TMC1: variants seen among roughly 807,000 people sequenced by gnomAD.
The protein encoded by TMC1 is transmembrane channel-like protein 1.
In TMC1, 84 loss-of-function variants were observed where a neutral mutation model predicts 105.8. That is an observed-to-expected ratio of 0.79 (90% confidence interval 0.67 to 0.95). TMC1 has a LOEUF of 0.95. Among genes scored for constraint, TMC1 ranks in the 40% least tolerant of loss-of-function variants. The probability of loss-of-function intolerance (pLI) is 0.00; values close to 1 mark genes in which losing one functional copy is unlikely to be tolerated. For synonymous variants in TMC1, 315 were observed against 311.5 expected (o/e 1.01, Z -0.12); for missense variants, 817 against 914.1 (o/e 0.89, Z 1.37).
chr9:72,600,074 G>A (rs1434200883), intron 2 of TMC1, among the ~76,000 whole-genome samples: 2 of 152,140 alleles, frequency 1.3e-5, no homozygotes, highest in Admixed American at 1.3e-4. Flanking sequence ...GTAGTAGGTC[G>A]ACGGGGCCCT....
In TMC1 at chr9:72,673,255, A is replaced by G. The variant is rs888894313; in HGVS notation, c.17-15454A>G. 2.0e-5 allele frequency among the ~76,000 whole-genome samples: 3 copies of G among 152,100 alleles called. No individual in the cohort carries two copies. The South Asian group carries it at 6.2e-4, about 32-fold the overall frequency. ...GTATAGACCTATATTAGAAAAGAAG[A>G]TCTCAAGCCAGTGATCTCAGTTTCT... is the stretch of plus-strand genomic sequence containing the variant. On this transcript the variant is annotated intron_variant, in intron 5 of 23. Coordinates refer to ENST00000297784, the MANE Select transcript of TMC1 (RefSeq NM_138691.3).
chr9:72,548,813 C>A (rs890355815), intron 1 of TMC1, among the ~76,000 whole-genome samples: 1 of 151,972 alleles, frequency 6.6e-6, no homozygotes, highest in Admixed American at 6.6e-5. Context: ...TAGTGAGATC[C>A]CATCTCTAAA....
At chr9:72,684,555 A>G (rs1476009696) in intron 5 of TMC1, among the ~76,000 whole-genome samples, 1 of 151,874 alleles carries the variant, frequency 6.6e-6, no homozygotes. Flanking sequence ...TTGTTATCTC[A>G]TCTGGTCTTA....
At chr9:72,820,077 A>G (rs924252678) in intron 19 of TMC1, among the ~76,000 whole-genome samples, 24 of 152,176 alleles carry the variant, frequency 1.6e-4, no homozygotes, top group Admixed American at 1.4e-3. Flanking sequence ...TTCCCAAGAC[A>G]AGCTAAAGTA....
At chr9:72,785,507 T>A (rs1051814450) in intron 13 of TMC1, among the ~76,000 whole-genome samples, 2 of 152,246 alleles carry the variant, frequency 1.3e-5, no homozygotes, top group African/African-American at 4.8e-5. Flanking sequence ...GGAAGCACTT[T>A]AAGTCTTATC....
At chr9:72,611,402 G>C (rs950203639) in intron 2 of TMC1, among the ~76,000 whole-genome samples, 1 of 152,170 alleles carries the variant, frequency 6.6e-6, no homozygotes, top group African/African-American at 2.4e-5. Flanking sequence ...GATAAGACTT[G>C]GGAAAAAGGC....
chr9:72,630,297 C>T (rs1025209282), intron 4 of TMC1, among the ~76,000 whole-genome samples: 1 of 152,096 alleles, frequency 6.6e-6, no homozygotes, highest in African/African-American at 2.4e-5. Context: ...ATTAACCCAA[C>T]CAAATAATAA....
In TMC1 at chr9:72,783,690, C is replaced by A. The variant is rs1314842243; in HGVS notation, c.885-4649C>A. Among the ~76,000 whole-genome samples, 4 of 152,054 alleles carry A rather than the reference C, an allele frequency of 2.6e-5. No homozygotes were observed. The East Asian group carries it at 5.8e-4, about 22-fold the overall frequency. On this transcript the variant is annotated intron_variant, in intron 13 of 23. Transcript: ENST00000297784. ...TCAAGTTGACACCTAATATTAACCA[C>A]CACATAGACCAATGGAATAAGTTAG...
chr9:72,574,321 C>T (rs940625525), intron 1 of TMC1, among the ~76,000 whole-genome samples: 3 of 152,136 alleles, frequency 2.0e-5, no homozygotes, highest in Non-Finnish European at 4.4e-5. Flanking sequence ...GATGAGTGAC[C>T]TCCATTTAAT....
chr9:72,746,169 A>G (rs139717522), intron 10 of TMC1, among the ~76,000 whole-genome samples: 4,104 of 152,322 alleles, frequency 0.027, 90 homozygotes, highest in Non-Finnish European at 0.043. Flanking sequence ...TCTTAAATAA[A>G]TGGCCATTTA....
At chr9:72,812,468 C>T (rs1304145391) in intron 18 of TMC1, among the ~76,000 whole-genome samples, 1 of 152,198 alleles carries the variant, frequency 6.6e-6, no homozygotes, top group Non-Finnish European at 1.5e-5. Flanking sequence ...GGTTGAAGTA[C>T]AAAGCCTCAA....
intron 1 of TMC1, among the ~76,000 whole-genome samples, chr9:72,542,827 C>A (rs967833039): frequency 1.3e-4 from 19 of 151,922 alleles, no homozygotes; most frequent in Non-Finnish European, 1.9e-4. Flanking sequence ...TTACAGGTGC[C>A]TGCCACCGCG....
chr9:72,770,218 T>G (rs1319966163), intron 12 of TMC1, among the ~76,000 whole-genome samples: 2 of 151,650 alleles, frequency 1.3e-5, no homozygotes, highest in Admixed American at 1.3e-4. Flanking sequence ...TTGGATGGCA[T>G]CCTAGTCAGG....
chr9:72,720,892 G>A (rs964618475), intron 8 of TMC1, among the ~76,000 whole-genome samples: 1 of 152,148 alleles, frequency 6.6e-6, no homozygotes, highest in Non-Finnish European at 1.5e-5. Context: ...CCTGCTATCT[G>A]TAGTGAACAC....
intron 1 of TMC1, among the ~76,000 whole-genome samples, chr9:72,549,505 C>T (rs907187781): frequency 5.3e-5 from 8 of 151,382 alleles, no homozygotes; most frequent in East Asian, 3.9e-4. Flanking sequence ...TGCATTGGCG[C>T]GATCTCCACT....
At chr9:72,819,691 C>A (rs1022797972) in intron 19 of TMC1, among the ~76,000 whole-genome samples, 2 of 152,116 alleles carry the variant, frequency 1.3e-5, no homozygotes, top group African/African-American at 4.8e-5. Context: ...CTAATTTCTT[C>A]ATCTAAATTA....
intron 13 of TMC1, among the ~76,000 whole-genome samples, chr9:72,775,395 A>G (rs1489732285): frequency 6.6e-6 from 1 of 152,186 alleles, no homozygotes; most frequent in Non-Finnish European, 1.5e-5. Context: ...CAACATGGAA[A>G]CCATCAGCTC....
intron 1 of TMC1, among the ~76,000 whole-genome samples, chr9:72,540,327 G>A (rs924018421): frequency 2.0e-5 from 3 of 152,164 alleles, no homozygotes; most frequent in African/African-American, 7.2e-5. Flanking sequence ...GTCATGCTCA[G>A]CCTGTACTAT....
intron 12 of TMC1, among the ~76,000 whole-genome samples, chr9:72,761,638 C>T (rs1190459797): frequency 6.6e-6 from 1 of 152,196 alleles, no homozygotes; most frequent in Non-Finnish European, 1.5e-5. Flanking sequence ...CCAGATTATT[C>T]CTTCTGCCCT....
Sources: gnomAD v4.1 joint callset for allele counts (sites outside exome capture counted in the v4.1 genomes callset) on GRCh38, gnomAD v4.1.1 for gene constraint, MANE v1.5 for transcripts, NCBI Gene and HGNC (gene_info 2026-07-23, HGNC 2026-07-21) for gene names.